The following KLF12 variants were observed in gnomAD, a reference collection of about 807,000 sequenced individuals.
KLF12 encodes KLF transcription factor 12, also known as Krueppel-like factor 12.
Under a neutral mutation model 37.8 loss-of-function variants are expected in KLF12, and 9 were observed. The ratio of observed to expected loss-of-function variants is 0.24; its 90% confidence interval spans 0.14 to 0.42. KLF12 has a LOEUF of 0.42. Among genes scored for constraint, KLF12 ranks in the 10% least tolerant of loss-of-function variants. The probability of loss-of-function intolerance (pLI) is 1.00; values close to 1 mark genes in which losing one functional copy is unlikely to be tolerated. For missense variants in KLF12, 411 were observed against 516.0 expected (o/e 0.80, Z 1.97); for synonymous variants, 208 against 202.1 (o/e 1.03, Z -0.25).
At chr13:74,269,624 T>C in the KLF12 span, among the ~76,000 whole-genome samples, 2 of 152,198 alleles carry the variant, frequency 1.3e-5, no homozygotes, top group Non-Finnish European at 2.9e-5. Flanking sequence ...GAGAAGGATA[T>C]ATACAGATTT....
At chr13:73,810,489 T>G (rs182523013) in intron 5 of KLF12, among the ~76,000 whole-genome samples, 2 of 152,250 alleles carry the variant, frequency 1.3e-5, no homozygotes, top group Admixed American at 1.3e-4. Context: ...AGGATGCTCT[T>G]GATCTCCTGA....
chr13:73,889,851 T>C (rs1231710523), intron 3 of KLF12, among the ~76,000 whole-genome samples: 1 of 152,090 alleles, frequency 6.6e-6, no homozygotes, highest in Non-Finnish European at 1.5e-5. Context: ...AATATAACCA[T>C]GCTTTTCCAA....
chr13:73,917,953 C>T (rs1342282984), intron 3 of KLF12, among the ~76,000 whole-genome samples: 1 of 151,974 alleles, frequency 6.6e-6, no homozygotes, highest in Non-Finnish European at 1.5e-5. Flanking sequence ...AAATTCCTGA[C>T]CTTTAGGTCA....
the KLF12 span, among the ~76,000 whole-genome samples, chr13:74,239,273 A>G: frequency 6.6e-6 from 1 of 151,950 alleles, no homozygotes; most frequent in South Asian, 2.1e-4. Context: ...CTTAATCCTG[A>G]GTCCTAGTTT....
chr13:74,173,891 T>C, the KLF12 span, among the ~76,000 whole-genome samples: 2 of 152,258 alleles, frequency 1.3e-5, no homozygotes, highest in East Asian at 3.8e-4. Flanking sequence ...CCTTACTGTC[T>C]GAGAGATCAT....
At chr13:74,256,154 C>CAAAAAAAAAAAAAA in the KLF12 span, among the ~76,000 whole-genome samples, 3 of 75,620 alleles carry the variant, frequency 4.0e-5, no homozygotes, top group Non-Finnish European at 5.7e-5. Context: ...GACTCTGTCT[C>CAAAAAAAAAAAAAA]AAAAAAAAAA....
intron 1 of KLF12, among the ~76,000 whole-genome samples, chr13:74,059,033 T>C (rs1465428006): frequency 2.0e-5 from 3 of 152,228 alleles, no homozygotes; most frequent in East Asian, 1.9e-4. Flanking sequence ...TATAAGAACA[T>C]GCAGTATTTT....
chr13:74,180,190 G>A, the KLF12 span, among the ~76,000 whole-genome samples: 1 of 151,996 alleles, frequency 6.6e-6, no homozygotes, highest in African/African-American at 2.4e-5. Context: ...TGAACTAATA[G>A]TAGGTGTTTA....
At chr13:74,161,841 T>G in the KLF12 span, among the ~76,000 whole-genome samples, 3 of 152,212 alleles carry the variant, frequency 2.0e-5, no homozygotes, top group Non-Finnish European at 4.4e-5. Context: ...CAAATCCACA[T>G]GGATAAGTGC....
chr13:74,238,428 T>C, the KLF12 span, among the ~76,000 whole-genome samples: 84 of 137,840 alleles, frequency 6.1e-4, no homozygotes, highest in African/African-American at 2.8e-3. Flanking sequence ...CTGCCTGGCT[T>C]TGGTATCAGC....
chr13:74,235,330 C>G, the KLF12 span, among the ~76,000 whole-genome samples: 1 of 152,146 alleles, frequency 6.6e-6, no homozygotes, highest in Non-Finnish European at 1.5e-5. Context: ...TAACATGTGT[C>G]AAGAGTTTAT....
intron 1 of KLF12, among the ~76,000 whole-genome samples, chr13:74,026,375 ACTT>A (rs1451800238): frequency 2.0e-5 from 3 of 152,142 alleles, no homozygotes; most frequent in Non-Finnish European, 2.9e-5. Flanking sequence ...GTAAAGCCTA[ACTT>A]ATATAGTGAA....
At position 73,741,165 on chromosome 13, in the gene KLF12, A is replaced by G. The variant is rs375417808; in HGVS notation, c.869+23773T>C. ...TTCATCCTGACAATGTTCCCATGGA[A>G]CAGAAGGAAATTTGACTGCATCTTA... On this transcript the variant is annotated intron_variant, in intron 6 of 7. Coordinates refer to ENST00000377669, the MANE Select transcript of KLF12 (RefSeq NM_007249.5). Among the ~76,000 whole-genome samples, 43 of 152,302 alleles carry G rather than the reference A, an allele frequency of 2.8e-4. 1 individual carries two copies. In the South Asian group the frequency reaches 3.7e-3, roughly 13 times the overall value.
At chr13:74,161,790 C>A in the KLF12 span, among the ~76,000 whole-genome samples, 1 of 152,016 alleles carries the variant, frequency 6.6e-6, no homozygotes, top group South Asian at 2.1e-4. Flanking sequence ...ATTTTCATTC[C>A]GCCTCAATTC....
chr13:73,858,188 A>G (rs977982457), intron 3 of KLF12, among the ~76,000 whole-genome samples: 5 of 152,144 alleles, frequency 3.3e-5, no homozygotes, highest in African/African-American at 1.2e-4. Flanking sequence ...AAGAAATCTA[A>G]AAGGGGAGCA....
intron 5 of KLF12, among the ~76,000 whole-genome samples, chr13:73,772,489 A>G (rs1338980578): frequency 6.6e-6 from 1 of 152,276 alleles, no homozygotes; most frequent in Non-Finnish European, 1.5e-5. Context: ...TGAAGGAGGT[A>G]CACTTTAAAG....
rs146018369 is a variant in KLF12, at chr13:74,067,461, A to T, written c.-32+66278T>A. Among the ~76,000 whole-genome samples, 491 of 152,374 alleles carry T rather than the reference A, an allele frequency of 3.2e-3. 6 individuals carry two copies. The highest frequency in any genetic ancestry group is 0.011 in the African/African-American group (470 of 41,588). ...ATTATCACAGTGTTAAAAACTCAAG[A>T]GGAAATGTGTAAATTGTTGGCACAG... On this transcript the variant is annotated intron_variant, in intron 1 of 7. Transcript: ENST00000377669.
chr13:73,750,890 T>C (rs1019819113), intron 6 of KLF12, among the ~76,000 whole-genome samples: 1 of 152,146 alleles, frequency 6.6e-6, no homozygotes, highest in Admixed American at 6.5e-5. Flanking sequence ...CACGGGAAGA[T>C]GGAAACAATT....
the KLF12 span, among the ~76,000 whole-genome samples, chr13:74,246,689 C>T: frequency 5.0e-4 from 76 of 152,304 alleles, no homozygotes; most frequent in African/African-American, 1.8e-3. Flanking sequence ...ACCTCAGTGG[C>T]GTTTCCATCA....
Sources: allele counts gnomAD v4.1 joint callset (sites outside exome capture counted in the v4.1 genomes callset), GRCh38; gene constraint gnomAD v4.1.1; transcripts MANE v1.5; gene names NCBI Gene and HGNC (gene_info 2026-07-23, HGNC 2026-07-21).